USP31: variants seen among roughly 807,000 people sequenced by gnomAD.
USP31 encodes the protein ubiquitin specific peptidase 31.
In USP31, 44 loss-of-function variants were observed where a neutral mutation model predicts 119.4. That is an observed-to-expected ratio of 0.37 (90% CI 0.29 to 0.47). The LOEUF (loss-of-function observed/expected upper bound fraction) is 0.47. Ranked by LOEUF, USP31 falls within the 20% of genes least tolerant of loss-of-function variation. The probability of loss-of-function intolerance (pLI) is 0.99; values close to 1 mark genes in which losing one functional copy is unlikely to be tolerated. For missense variants in USP31, 1,643 were observed against 1,730.2 expected (o/e 0.95, Z 0.89); for synonymous variants, 749 against 705.6 (o/e 1.06, Z -0.97).
At chr16:23,103,096 T>G (rs1901951168) in intron 5 of USP31, among the ~76,000 whole-genome samples, 1 of 152,154 alleles carries the variant, frequency 6.6e-6, no homozygotes, top group Admixed American at 6.5e-5. Context: ...CTCCAGAGTT[T>G]CTCTAAGTTT....
At chr16:23,137,404 T>C (rs1026996172) in intron 1 of USP31, among the ~76,000 whole-genome samples, 11 of 152,094 alleles carry the variant, frequency 7.2e-5, no homozygotes, top group Non-Finnish European at 1.3e-4. Flanking sequence ...AAGTTAAACA[T>C]AGAATTATAT....
intron 1 of USP31, among the ~76,000 whole-genome samples, chr16:23,118,968 G>A (rs543544264): frequency 1.3e-5 from 2 of 151,730 alleles, no homozygotes; most frequent in South Asian, 2.1e-4. Context: ...GCAAGGCTCT[G>A]TCTCAAAAAA....
intron 13 of USP31, chr16:23,079,235 C>T (rs987571926): frequency 5.0e-5 from 7 of 139,532 alleles, no homozygotes; most frequent in Non-Finnish European, 9.7e-5. Context: ...TATATTTTAT[C>T]GCAATTAAAA....
intron 5 of USP31, among the ~76,000 whole-genome samples, chr16:23,103,322 T>C (rs2141870047): frequency 6.6e-6 from 1 of 151,884 alleles, no homozygotes; most frequent in South Asian, 2.1e-4. Flanking sequence ...TCAACTCAAA[T>C]GTCCAAAAAT....
At chr16:23,141,826 A>C (rs763988655) in intron 1 of USP31, among the ~76,000 whole-genome samples, 6 of 152,210 alleles carry the variant, frequency 3.9e-5, no homozygotes, top group Non-Finnish European at 7.3e-5. Flanking sequence ...ACTATATACA[A>C]ATGACTTGTA....
intron 5 of USP31, among the ~76,000 whole-genome samples, chr16:23,104,446 C>T (rs900101216): frequency 6.6e-5 from 10 of 152,226 alleles, no homozygotes; most frequent in Non-Finnish European, 1.0e-4. Flanking sequence ...TGGACACCAC[C>T]GAAGCCTCGC....
chr16:23,062,037 G>A lies in USP31; in HGVS notation c.*6009C>T, dbSNP rs993043582. The A allele has an allele frequency of 1.3e-5, 2 of 152,632 alleles. No homozygotes were observed. The highest frequency in any genetic ancestry group is 4.1e-4 in the South Asian group (2 of 4,828). 9.5% of individuals were successfully genotyped at this position (152,632 alleles called of 1,614,324 possible). ...AATAGCACCTAGGAAATTTCATATT[G>A]CATTTGGACGACTGCAACAGATATC... On this transcript the variant is annotated 3_prime_UTR_variant, in exon 16 of 16. Coordinates refer to ENST00000219689, the MANE Select transcript of USP31 (RefSeq NM_020718.4).
Position 23,065,194 on chromosome 16 carries a change from CAGG to C in USP31, c.*2849_*2851del, listed in dbSNP as rs1385090419. 1.3e-5 allele frequency: 2 copies of C among 151,952 alleles called. No homozygotes were observed. Among genetic ancestry groups the C allele is most frequent in the Admixed American group, 1.3e-4 (2 of 15,244 alleles). The allele number at this position is 151,952 out of a possible 1,614,324, so 9.4% of individuals were successfully genotyped here. A position where few individuals can be genotyped will look rare whatever the true frequency, so the allele number is the denominator to read the frequency against. On this transcript the variant is annotated 3_prime_UTR_variant, in exon 16 of 16. Transcript: ENST00000219689. The stretch of plus-strand genomic sequence containing the variant: ...CTGTTGGTGATTATTTTGTGCCTAC[CAGG>C]AGATGACTGCTCTAATCAGGCCCAT...
intron 1 of USP31, among the ~76,000 whole-genome samples, chr16:23,147,706 T>C (rs1903562017): frequency 6.6e-6 from 1 of 151,816 alleles, no homozygotes; most frequent in Non-Finnish European, 1.5e-5. Context: ...GCGGGGAGAG[T>C]GGCTTGAGGA....
At chr16:23,139,826 C>A (rs954540371) in intron 1 of USP31, among the ~76,000 whole-genome samples, 1 of 152,200 alleles carries the variant, frequency 6.6e-6, no homozygotes, top group Non-Finnish European at 1.5e-5. Flanking sequence ...GCTCCACAAA[C>A]CACTTCCCTT....
chr16:23,087,016 T>C (rs1436879393), intron 9 of USP31, 76 bp downstream of exon 9: 8 of 1,118,038 alleles, frequency 7.2e-6, no homozygotes, highest in South Asian at 2.9e-5. Flanking sequence ...GTGGAAATTA[T>C]ATAAGACATC....
At chr16:23,148,610 G>A (rs1237110299) in intron 1 of USP31, 28 bp downstream of exon 1, 16 of 1,444,884 alleles carry the variant, frequency 1.1e-5, no homozygotes, top group South Asian at 5.7e-5. Flanking sequence ...TCGGGGTGCA[G>A]TGGGGGCGCG....
At position 23,068,959 on chromosome 16, in the gene USP31, T is replaced by C. The variant is rs886515415; in HGVS notation, c.3146A>G (p.Gln1049Arg). ...GGATGTACTTGAAAGGGATGACTCC[T>C]GGCTTGCCAAGGCTGGTCTCCCCTT... Reference protein sequence around the residue: ...LRKGRPALASQESSLSSTSPS... With the variant: ...LRKGRPALASRESSLSSTSPS... The change falls in exon 16 of 16, where the codon CAG (glutamine) becomes CGG (arginine). Residue 1049 changes from glutamine (Q) to arginine (R), a missense_variant. Transcript: ENST00000219689. 10 of 1,614,130 alleles carry C rather than the reference T, an allele frequency of 6.2e-6. No homozygotes were observed. In the African/African-American group the frequency reaches 8.0e-5, roughly 13 times the overall value.
At chr16:23,094,638 C>T (rs1402376852) in intron 6 of USP31, among the ~76,000 whole-genome samples, 1 of 152,192 alleles carries the variant, frequency 6.6e-6, no homozygotes, top group Non-Finnish European at 1.5e-5. Context: ...CTGTCTGGGA[C>T]GAAGCTTCCA....
At chr16:23,069,736 G>A in intron 15 of USP31, 120 bp from the exon 16 acceptor site, 2 of 1,324,998 alleles carry the variant, frequency 1.5e-6, no homozygotes, top group Non-Finnish European at 2.0e-6. Flanking sequence ...ATGACCTTCA[G>A]AGCCAGCCCA....
intron 1 of USP31, among the ~76,000 whole-genome samples, chr16:23,137,162 A>G (rs373823207): frequency 6.6e-6 from 1 of 152,192 alleles, no homozygotes. Context: ...GCAGTGAGCC[A>G]TTACTGAACC....
chr16:23,070,001 G>A (rs1243622590), intron 15 of USP31, among the ~76,000 whole-genome samples: 1 of 152,238 alleles, frequency 6.6e-6, no homozygotes, highest in African/African-American at 2.4e-5. Flanking sequence ...AAACGTGTCT[G>A]ACTGCGTTCC....
chr16:23,086,762 T>C (rs1901127437), intron 9 of USP31, among the ~76,000 whole-genome samples: 2 of 152,172 alleles, frequency 1.3e-5, no homozygotes, highest in African/African-American at 4.8e-5. Context: ...CAAGTTGCCA[T>C]ATAAGGGTTT....
chr16:23,132,116 T>C (rs1903047169), intron 1 of USP31, among the ~76,000 whole-genome samples: 1 of 152,130 alleles, frequency 6.6e-6, no homozygotes, highest in Non-Finnish European at 1.5e-5. Context: ...GATTTCTAAA[T>C]AGAGAAAGAT....
Sources: allele counts gnomAD v4.1 joint callset (sites outside exome capture counted in the v4.1 genomes callset), GRCh38; gene constraint gnomAD v4.1.1; transcripts MANE v1.5; gene names NCBI Gene and HGNC (gene_info 2026-07-23, HGNC 2026-07-21).